Variants in NSUN3 observed in about 807,000 individuals in gnomAD.
NSUN3 encodes tRNA (cytosine(34)-C(5))-methyltransferase, mitochondrial.
NSUN3 carries 24 observed loss-of-function variants against 36.8 expected under a neutral mutation model. The observed-to-expected ratio is 0.65, with a 90% confidence interval of 0.47 to 0.92. The LOEUF (loss-of-function observed/expected upper bound fraction) is 0.92. Among genes scored for constraint, NSUN3 ranks in the 40% least tolerant of loss-of-function variants. The probability of loss-of-function intolerance (pLI) is 0.00; values close to 1 mark genes in which losing one functional copy is unlikely to be tolerated. For missense variants in NSUN3, 381 were observed against 392.8 expected (o/e 0.97, Z 0.25); for synonymous variants, 146 against 145.2 (o/e 1.01, Z -0.04).
At chr3:94,071,557 A>C (rs2077224799) in intron 2 of NSUN3, among the ~76,000 whole-genome samples, 1 of 152,222 alleles carries the variant, frequency 6.6e-6, no homozygotes, top group African/African-American at 2.4e-5. Context: ...CAATTTTTAC[A>C]GTATGCTGGA....
At position 94,099,512 on chromosome 3, in the gene NSUN3, T is replaced by C. The variant is rs1008070585; in HGVS notation, c.743+4358T>C. 7.5e-4 allele frequency among the ~76,000 whole-genome samples: 114 copies of C among 152,284 alleles called. 1 individual carries two copies. Among genetic ancestry groups the C allele is most frequent in the African/African-American group, 2.7e-3 (112 of 41,560 alleles). On this transcript the variant is annotated intron_variant, in intron 5 of 5. Coordinates refer to ENST00000314622, the MANE Select transcript of NSUN3 (RefSeq NM_022072.5). Reference sequence around the variant, plus strand: ...ATCATATGAGATTGGGAAAGGCTGTTGCACCAGCCATCTCCCATTCTTTTC... The same window carrying C: ...ATCATATGAGATTGGGAAAGGCTGTCGCACCAGCCATCTCCCATTCTTTTC...
intron 5 of NSUN3, 22 bp downstream of exon 5, chr3:94,095,176 G>C: frequency 6.2e-7 from 1 of 1,606,676 alleles, no homozygotes; most frequent in Non-Finnish European, 8.5e-7. Flanking sequence ...TAATACAAAA[G>C]TGTATTTTGG....
intron 3 of NSUN3, among the ~76,000 whole-genome samples, chr3:94,088,523 G>T (rs940318250): frequency 2.6e-5 from 4 of 152,072 alleles, no homozygotes; most frequent in Non-Finnish European, 5.9e-5. Flanking sequence ...GTACCAAATT[G>T]CCTAAGGTAA....
At chr3:94,099,611 GC>G (rs147901569) in intron 5 of NSUN3, among the ~76,000 whole-genome samples, 2,494 of 152,188 alleles carry the variant, frequency 0.016, 77 homozygotes, top group African/African-American at 0.057. Flanking sequence ...ACTTGAAGCA[GC>G]CAAAATTCCT....
chr3:94,107,915 A>G (rs1397120175), intron 5 of NSUN3, among the ~76,000 whole-genome samples: 1 of 151,630 alleles, frequency 6.6e-6, no homozygotes, highest in Admixed American at 6.6e-5. Context: ...CCCAGTTGGC[A>G]GGAAGAAAAA....
chr3:94,088,639 C>T (rs1169408959), intron 3 of NSUN3, among the ~76,000 whole-genome samples: 1 of 150,900 alleles, frequency 6.6e-6, no homozygotes, highest in Non-Finnish European at 1.5e-5. Context: ...GTAGCATCCT[C>T]CGTTAGTGTC....
intron 5 of NSUN3, among the ~76,000 whole-genome samples, chr3:94,118,006 A>C (rs2077447242): frequency 6.6e-6 from 1 of 152,188 alleles, no homozygotes; most frequent in African/African-American, 2.4e-5. Context: ...GTTAGATAGA[A>C]GGTATAAATT....
At chr3:94,088,685 T>C (rs2077302598) in intron 3 of NSUN3, among the ~76,000 whole-genome samples, 1 of 151,224 alleles carries the variant, frequency 6.6e-6, no homozygotes, top group African/African-American at 2.4e-5. Flanking sequence ...TTTTTTTTTT[T>C]TTTTAGACAT....
chr3:94,082,291 A>T (rs565636148), intron 2 of NSUN3: 8 of 152,356 alleles, frequency 5.3e-5, no homozygotes, highest in African/African-American at 1.9e-4. Flanking sequence ...GCATCACCTG[A>T]AAACTTGCTA....
At chr3:94,066,177 T>TA (rs747862850) in intron 2 of NSUN3, among the ~76,000 whole-genome samples, 6 of 152,130 alleles carry the variant, frequency 3.9e-5, no homozygotes, top group Non-Finnish European at 5.9e-5. Flanking sequence ...CATATACTAT[T>TA]ATTTGACCCT....
intron 2 of NSUN3, among the ~76,000 whole-genome samples, chr3:94,078,246 G>A (rs552473207): frequency 2.6e-5 from 4 of 152,200 alleles, no homozygotes; most frequent in Admixed American, 6.5e-5. Context: ...GTAGTTGTGC[G>A]GTTTTGAGTG....
chr3:94,114,895 A>C (rs910931189), intron 5 of NSUN3, among the ~76,000 whole-genome samples: 2 of 152,126 alleles, frequency 1.3e-5, no homozygotes, highest in Non-Finnish European at 2.9e-5. Flanking sequence ...TAATTCACTT[A>C]GGATAATGGT....
intron 5 of NSUN3, among the ~76,000 whole-genome samples, chr3:94,095,748 T>C (rs949692664): frequency 6.6e-6 from 1 of 152,016 alleles, no homozygotes; most frequent in African/African-American, 2.4e-5. Context: ...TTTTTGTTTG[T>C]TTGTTTGTTT....
intron 2 of NSUN3, chr3:94,076,035 G>A: frequency 6.2e-7 from 1 of 1,608,316 alleles, no homozygotes; most frequent in African/African-American, 1.3e-5. Context: ...GGTTCATTGG[G>A]ATTCCAGGAG....
rs1163863875 is a variant in NSUN3 at position 94,127,743 on chromosome 3, C to T, written c.*1253C>T. The T allele has an allele frequency of 6.6e-6, 1 of 152,036 alleles. No individual in the cohort carries two copies. The highest frequency in any genetic ancestry group is 1.5e-5 in the Non-Finnish European group (1 of 68,008). The allele number at this position is 152,036 out of a possible 1,614,324, so 9.4% of individuals were successfully genotyped here. On this transcript the variant is annotated 3_prime_UTR_variant, in exon 6 of 6. Coordinates refer to ENST00000314622, the MANE Select transcript of NSUN3 (RefSeq NM_022072.5). ...TACAAAATTCTGCTAAAGCTGAATACTTTTGAATTGTTCATTATGTTCTGT... is the reference window on the plus strand; with the variant it reads ...TACAAAATTCTGCTAAAGCTGAATATTTTTGAATTGTTCATTATGTTCTGT...
intron 5 of NSUN3, among the ~76,000 whole-genome samples, chr3:94,110,153 G>C (rs1164043884): frequency 6.6e-6 from 1 of 152,092 alleles, no homozygotes; most frequent in African/African-American, 2.4e-5. Context: ...TTACTTAGAA[G>C]TGCATGAATA....
chr3:94,075,884 A>G, intron 2 of NSUN3: 1 of 1,292,412 alleles, frequency 7.7e-7, no homozygotes, highest in Non-Finnish European at 1.1e-6. Context: ...GGGGAGTCTA[A>G]AATCACAAGA....
chr3:94,077,320 G>A, intron 2 of NSUN3: 1 of 451,380 alleles, frequency 2.2e-6, no homozygotes, highest in Non-Finnish European at 4.0e-6. Flanking sequence ...TTATTGATGT[G>A]CTACTGGATT....
At chr3:94,072,257 G>T (rs565100347) in intron 2 of NSUN3, among the ~76,000 whole-genome samples, 114 of 152,190 alleles carry the variant, frequency 7.5e-4, no homozygotes, top group African/African-American at 2.7e-3. Context: ...GGTCTCACAC[G>T]TTGGGAATCA....
Sources: allele counts gnomAD v4.1 joint callset (sites outside exome capture counted in the v4.1 genomes callset), GRCh38; gene constraint gnomAD v4.1.1; transcripts MANE v1.5; gene names NCBI Gene and HGNC (gene_info 2026-07-23, HGNC 2026-07-21).